The following RIC3 variants were observed in gnomAD, a reference collection of about 807,000 sequenced individuals.
RIC3 encodes RIC3 acetylcholine receptor chaperone.
A neutral mutation model predicts 27.3 loss-of-function variants in RIC3; 28 were observed. The observed-to-expected ratio is 1.02, with a 90% confidence interval of 0.76 to 1.41. The LOEUF (loss-of-function observed/expected upper bound fraction) is 1.41. Among genes scored for constraint, RIC3 ranks in the 40% most tolerant of loss-of-function variants. The pLI, the probability that RIC3 is intolerant of heterozygous loss-of-function variation, is 0.00. For missense variants in RIC3, 501 were observed against 444.7 expected (o/e 1.13, Z -1.14); for synonymous variants, 184 against 160.4 (o/e 1.15, Z -1.11).
At chr11:8,099,790 A>C in the RIC3 span, among the ~76,000 whole-genome samples, 4 of 151,924 alleles carry the variant, frequency 2.6e-5, no homozygotes, top group Non-Finnish European at 4.4e-5. Context: ...TCTTGAGTAA[A>C]GACCAGAAGG....
Position 8,139,960 on chromosome 11 carries a change from T to C in RIC3, c.351+7A>G, listed in dbSNP as rs777068938. On this transcript the variant is annotated splice_region_variant and intron_variant, in intron 2 of 5. Transcript: ENST00000309737. ...TGATGTAATATGATTAGGATGATTC[T>C]ACTTACCTTAAATAGAATGTACAGT... 6.8e-6 allele frequency: 11 copies of C among 1,608,740 alleles called. No individual in the cohort carries two copies. The African/African-American group carries it at 1.3e-4, about 20-fold the overall frequency.
intron 1 of RIC3, among the ~76,000 whole-genome samples, chr11:8,143,374 T>C (rs1170414914): frequency 1.9e-4 from 28 of 150,616 alleles, no homozygotes; most frequent in Non-Finnish European, 2.4e-4. Flanking sequence ...AGCATTCTTA[T>C]ACACCAATAA....
intron 1 of RIC3, among the ~76,000 whole-genome samples, chr11:8,161,586 T>C (rs910918799): frequency 2.6e-5 from 4 of 152,194 alleles, no homozygotes; most frequent in Non-Finnish European, 5.9e-5. Flanking sequence ...CAGTATATTC[T>C]TTCTACCCAC....
the RIC3 span, among the ~76,000 whole-genome samples, chr11:8,095,168 C>G: frequency 6.6e-6 from 1 of 152,182 alleles, no homozygotes; most frequent in Admixed American, 6.5e-5. Context: ...TGCCTATGGT[C>G]TGGATCAGTC....
chr11:8,137,531 G>T, intron 3 of RIC3, 60 bp from the exon 4 acceptor site: 1 of 1,383,878 alleles, frequency 7.2e-7, no homozygotes, highest in Non-Finnish European at 1.0e-6. Flanking sequence ...CTGTTAAAGA[G>T]ACCACAAATT....
At position 8,148,981 on chromosome 11, in the gene RIC3, C is replaced by T. The variant is rs190167985; in HGVS notation, c.125-8788G>A. 5.8e-3 allele frequency among the ~76,000 whole-genome samples: 861 copies of T among 148,294 alleles called. 22 individuals carry two copies. Among genetic ancestry groups the T allele is most frequent in the Admixed American group, 0.051 (754 of 14,646 alleles). The stretch of plus-strand genomic sequence containing the variant: ...AGATCACGAGGTCAGGAGATCAAGA[C>T]CATCCTGGCTAACACGGTGACACCC... On this transcript the variant is annotated intron_variant, in intron 1 of 5. Transcript: ENST00000309737.
At chr11:8,122,403 T>C (rs1451618572) in intron 5 of RIC3, among the ~76,000 whole-genome samples, 1 of 152,018 alleles carries the variant, frequency 6.6e-6, no homozygotes, top group Non-Finnish European at 1.5e-5. Context: ...TTCATCTAGG[T>C]TGTTGTATAT....
intron 1 of RIC3, among the ~76,000 whole-genome samples, chr11:8,157,475 A>G (rs1950770967): frequency 6.6e-6 from 1 of 152,142 alleles, no homozygotes; most frequent in Admixed American, 6.5e-5. Flanking sequence ...ACAATTCCCC[A>G]TGGTGTGCAT....
At chr11:8,124,750 A>T (rs1420837428) in intron 5 of RIC3, among the ~76,000 whole-genome samples, 1 of 152,214 alleles carries the variant, frequency 6.6e-6, no homozygotes, top group African/African-American at 2.4e-5. Flanking sequence ...TTGTCAAGCA[A>T]ATGTCAAGCT....
At chr11:8,138,835 CT>C in intron 2 of RIC3, 1 of 230,622 alleles carries the variant, frequency 4.3e-6, no homozygotes. Flanking sequence ...TTAGTTCCTC[CT>C]TCCTTTGTTC....
intron 1 of RIC3, chr11:8,153,252 A>G (rs1220678218): frequency 3.1e-6 from 1 of 323,946 alleles, no homozygotes; most frequent in Non-Finnish European, 6.0e-6. Context: ...ACTGCTGAGC[A>G]CTTAACAATG....
In RIC3 at chr11:8,110,837, G is replaced by C; in HGVS notation, c.971C>G (p.Ala324Gly). ...AVLAENAGFS[A>G]DSYPEQEETT... ...TTCCTCTTGCTCAGGGTAGCTATCT[G>C]CACTGAATCCAGCATTCTCTGCCAA... The change falls in exon 6 of 6, where the codon GCA becomes GGA. Residue 324 changes from alanine to glycine, a missense_variant. Ala to Gly is a moderately conservative substitution (Grantham distance 60). Coordinates refer to ENST00000309737, the MANE Select transcript of RIC3 (RefSeq NM_001206671.4). The C allele has an allele frequency of 6.2e-7, 1 of 1,614,166 alleles. No individual in the cohort carries two copies. The highest frequency in any genetic ancestry group is 8.5e-7 in the Non-Finnish European group (1 of 1,180,038).
chr11:8,097,401 C>A, the RIC3 span: 2 of 1,614,186 alleles, frequency 1.2e-6, no homozygotes, highest in Non-Finnish European at 1.7e-6. Context: ...ACTTTCTGCA[C>A]CTGGACCGTG....
At chr11:8,143,850 A>T (rs1242475393) in intron 1 of RIC3, among the ~76,000 whole-genome samples, 1 of 152,194 alleles carries the variant, frequency 6.6e-6, no homozygotes, top group Non-Finnish European at 1.5e-5. Context: ...AATGGAACAG[A>T]ACAGAGCCCT....
rs1344621868 is a variant in RIC3 at position 8,141,135 on chromosome 11, A to G, written c.125-942T>C. ...GAAACTGCATCAACTAACGAGCAAA[A>G]TCACCAGCTAACATCATAATGACAG... On this transcript the variant is annotated intron_variant, in intron 1 of 5. Transcript: ENST00000309737. 2.7e-5 allele frequency among the ~76,000 whole-genome samples: 4 copies of G among 150,768 alleles called. No homozygotes were observed. The Admixed American group carries it at 2.7e-4, about 10-fold the overall frequency.
intron 5 of RIC3, among the ~76,000 whole-genome samples, chr11:8,123,558 C>T (rs573872739): frequency 1.1e-4 from 16 of 152,154 alleles, no homozygotes; most frequent in African/African-American, 3.6e-4. Flanking sequence ...ACAGATCTTA[C>T]GTATATTAAA....
At position 8,140,184 on chromosome 11, in the gene RIC3, C is replaced by T. The variant is rs751869373; in HGVS notation, c.134G>A (p.Gly45Asp). ...EPPPTPEGKLGRFPPMMHHHQ... is the reference protein window; with the variant it reads ...EPPPTPEGKLDRFPPMMHHHQ... The stretch of plus-strand genomic sequence containing the variant: ...ATGATGCATCATAGGTGGAAATCGG[C>T]CCAATTTTCCTGAGAAAATAATAAT... The change falls in exon 2 of 6, where the codon GGC becomes GAC. Residue 45 changes from glycine to aspartate, a missense_variant. Gly to Asp is a moderately conservative substitution (Grantham distance 94). Coordinates refer to ENST00000309737, the MANE Select transcript of RIC3 (RefSeq NM_001206671.4). The T allele has an allele frequency of 6.2e-7, 1 of 1,610,144 alleles. No individual in the cohort carries two copies. Among genetic ancestry groups the T allele is most frequent in the Non-Finnish European group, 8.5e-7 (1 of 1,178,590 alleles).
intron 1 of RIC3, among the ~76,000 whole-genome samples, chr11:8,165,342 T>TAGAAAGGAGTGAATTATGA (rs1554980887): frequency 0.076 from 11,616 of 152,218 alleles, 504 homozygotes; most frequent in South Asian, 0.11. Context: ...CACAATGAAA[T>TAGAAAGGAGTGAATTATGA]ATTATTCAGC....
downstream of RIC3, chr11:8,101,349 T>C (rs1944293292): frequency 8.4e-7 from 1 of 1,195,854 alleles, no homozygotes; most frequent in Non-Finnish European, 1.2e-6. Flanking sequence ...TTTGTTTTAC[T>C]TCCCTTTGTG....
Sources: gnomAD v4.1 joint callset for allele counts (sites outside exome capture counted in the v4.1 genomes callset) on GRCh38, gnomAD v4.1.1 for gene constraint, MANE v1.5 for transcripts, NCBI Gene and HGNC (gene_info 2026-07-23, HGNC 2026-07-21) for gene names.